HDLBP: variants seen among roughly 807,000 people sequenced by gnomAD.
The protein encoded by HDLBP is high density lipoprotein binding protein.
In HDLBP, 30 loss-of-function variants were observed where a neutral mutation model predicts 137.3. The observed-to-expected ratio is 0.22, with a 90% CI of 0.16 to 0.30. The LOEUF (loss-of-function observed/expected upper bound fraction) is 0.30. HDLBP is among the 10% of genes least tolerant of loss of function. HDLBP has a pLI of 1.00. For synonymous variants in HDLBP, 606 were observed against 596.0 expected, an observed-to-expected ratio of 1.02 and a Z score of -0.24; for missense variants, 1,119 against 1,667.3, an observed-to-expected ratio of 0.67 and a Z score of 5.73.
chr2:241,276,252 CAA>C (rs1373510075), intron 1 of HDLBP, among the ~76,000 whole-genome samples: 2 of 152,064 alleles, frequency 1.3e-5, no homozygotes, highest in South Asian at 2.1e-4. Context: ...CTAGGAAAAA[CAA>C]AGAGTTTTTA....
At chr2:241,281,792 T>C (rs1041849290) in intron 1 of HDLBP, among the ~76,000 whole-genome samples, 4 of 152,238 alleles carry the variant, frequency 2.6e-5, no homozygotes, top group Admixed American at 6.5e-5. Context: ...GTATCTTACA[T>C]TGGGTGAAAC....
rs568616833 is a variant in HDLBP at position 241,273,099 on chromosome 2, G to A, written c.-102-4558C>T. On this transcript the variant is annotated intron_variant, in intron 1 of 27. Coordinates refer to ENST00000310931, the MANE Select transcript of HDLBP (RefSeq NM_005336.6). The stretch of plus-strand genomic sequence containing the variant: ...AGTGGAAACAACCGAAGACCAGAAA[G>A]GGAGCAGGAAGGACGGCTGCTCTGG... 12 of 985,588 alleles carry A rather than the reference G, an allele frequency of 1.2e-5. No homozygotes were observed. In the South Asian group the frequency reaches 3.3e-4, roughly 27 times the overall value. 61.1% of individuals were successfully genotyped at this position (985,588 alleles called of 1,614,324 possible). A position where few individuals can be genotyped will look rare whatever the true frequency, so the allele number is the denominator to read the frequency against.
rs1416228775 is a variant in HDLBP, at chr2:241,239,657, G to A, written c.2555C>T (p.Ala852Val). ...TQSDKVTLKG[A>V]KDCVEAAKKR... is the part of the protein sequence containing the mutation. ...CTTGGCTGCCTCCACACAGTCCTTG[G>A]CGCCCTTGAGGGTGACTTTGTCGCT... The change falls in exon 19 of 28, where the codon GCC becomes GTC. Residue 852 changes from alanine (A) to valine (V), a missense_variant. Around this residue, in one of 4 missense-constraint regions of HDLBP, gnomAD observed 618 missense variants for 816.7 expected, o/e 0.76. Coordinates refer to ENST00000310931, the MANE Select transcript of HDLBP (RefSeq NM_005336.6). This position sits in a 1 kb window ranked among gnomAD's most constrained non-coding sequence, Gnocchi z 4.6. 1 of 1,614,046 alleles carries A rather than the reference G, an allele frequency of 6.2e-7. No individual in the cohort carries two copies. The highest frequency in any genetic ancestry group is 8.5e-7 in the Non-Finnish European group (1 of 1,180,030).
At chr2:241,271,383 C>G (rs1009723106) in intron 1 of HDLBP, among the ~76,000 whole-genome samples, 1 of 152,216 alleles carries the variant, frequency 6.6e-6, no homozygotes, top group Non-Finnish European at 1.5e-5. Flanking sequence ...GGAAGGAGGG[C>G]AGGAACCAAG....
At position 241,239,655 on chromosome 2, in the gene HDLBP, T is replaced by C; in HGVS notation, c.2557A>G (p.Lys853Glu). The change falls in exon 19 of 28, where the codon AAG (lysine) becomes GAG (glutamate). Residue 853 changes from lysine to glutamate, a missense_variant. This residue lies in a region of HDLBP where 618 missense variants were observed against 816.7 expected (regional missense o/e 0.76). Transcript: ENST00000310931. The surrounding 1 kb of genome is among the most constrained non-coding windows in gnomAD (Gnocchi z 4.6). ...TTCTTGGCTGCCTCCACACAGTCCT[T>C]GGCGCCCTTGAGGGTGACTTTGTCG... is the stretch of plus-strand genomic sequence containing the variant. ...QSDKVTLKGA[K>E]DCVEAAKKRI... The C allele has an allele frequency of 6.2e-7, 1 of 1,614,228 alleles. No homozygotes were observed. The highest frequency in any genetic ancestry group is 8.5e-7 in the Non-Finnish European group (1 of 1,180,042).
Position 241,253,348 on chromosome 2 carries a change from C to T in HDLBP, c.1293+45G>A, listed in dbSNP as rs201230947. The T allele has an allele frequency of 5.3e-6, 7 of 1,332,690 alleles. No homozygotes were observed. In the Admixed American group the frequency reaches 6.7e-5, roughly 13 times the overall value. The allele number at this position is 1,332,690 out of a possible 1,614,324, so 82.6% of individuals were successfully genotyped here. On this transcript the variant is annotated intron_variant, in intron 10 of 27. Transcript: ENST00000310931. ...ATGACCGCCCATGCCCAACTCAGAGCCTCCCTTGTCACCAGCACACACAAC... is the reference window on the plus strand; with the variant it reads ...ATGACCGCCCATGCCCAACTCAGAGTCTCCCTTGTCACCAGCACACACAAC...
At position 241,232,445 on chromosome 2, in the gene HDLBP, T is replaced by G. The variant is rs368699319; in HGVS notation, c.3288+1375A>C. Among the ~76,000 whole-genome samples the G allele has an allele frequency of 2.0e-5, 3 of 152,258 alleles. No individual in the cohort carries two copies. In the East Asian group the frequency reaches 5.8e-4, roughly 29 times the overall value. On this transcript the variant is annotated intron_variant, in intron 24 of 27. Coordinates refer to ENST00000310931, the MANE Select transcript of HDLBP (RefSeq NM_005336.6). ...TGCACGCGACCACGCCTGGCTAATT[T>G]TCATATTTTTAGTAGAGACAGGCTT... is the stretch of plus-strand genomic sequence containing the variant.
chr2:241,245,402 C>T (rs1320321818), intron 16 of HDLBP, among the ~76,000 whole-genome samples: 1 of 152,146 alleles, frequency 6.6e-6, no homozygotes, highest in Non-Finnish European at 1.5e-5. Context: ...TGGTCTTGAA[C>T]TTGTGAGCTC....
At chr2:241,310,146 T>C (rs1169899149) in intron 1 of HDLBP, among the ~76,000 whole-genome samples, 2 of 152,064 alleles carry the variant, frequency 1.3e-5, no homozygotes, top group African/African-American at 4.8e-5. Flanking sequence ...TTCCAACAGT[T>C]AACAGGAGAT....
Position 241,240,461 on chromosome 2 carries a change from A to G in HDLBP, c.2170-339T>C, listed in dbSNP as rs1018431243. Among the ~76,000 whole-genome samples the G allele has an allele frequency of 3.3e-5, 5 of 151,634 alleles. No homozygotes were observed. The highest frequency in any genetic ancestry group is 4.8e-5 in the African/African-American group (2 of 41,424). ...GGAGGTGGGAGCAACGCGCCGGACG[A>G]TATGTTGGCGGAGTGCACGTCCTGG... On this transcript the variant is annotated intron_variant, in intron 17 of 27. Transcript: ENST00000310931. The surrounding 1 kb of genome is among the most constrained non-coding windows in gnomAD (Gnocchi z 5.5).
rs151021956 is a variant in HDLBP, at chr2:241,238,354, T to C, written c.2749+295A>G. The C allele has an allele frequency of 4.1e-6, 1 of 243,902 alleles. No homozygotes were observed. The highest frequency in any genetic ancestry group is 7.8e-6 in the Non-Finnish European group (1 of 127,700). 15.1% of individuals were successfully genotyped at this position (243,902 alleles called of 1,614,324 possible). A position where few individuals can be genotyped will look rare whatever the true frequency, so the allele number is the denominator to read the frequency against. On this transcript the variant is annotated intron_variant, in intron 20 of 27. Transcript: ENST00000310931. The surrounding 1 kb of genome is among the most constrained non-coding windows in gnomAD (Gnocchi z 4.9). ...ATCCAAACGATGTCATGAGAATCAC[T>C]GGGACTGAACTCGGGACACCCGAGG... is the stretch of plus-strand genomic sequence containing the variant.
In HDLBP at chr2:241,266,851, A is replaced by G; in HGVS notation, c.19T>C (p.Leu7=). ...TGTTCAGCAAAACTCTCTTGGGTCA[A>G]AACTGCAACGGAACTCATGGTTGAT... MSSVAV[L]TQESFAEHRS... is the part of the protein sequence containing the mutation. Residue 7 remains leucine, a synonymous_variant, in exon 3 of 28, where the codon TTG becomes CTG. Transcript: ENST00000310931. 1.2e-6 allele frequency: 2 copies of G among 1,614,236 alleles called. No individual in the cohort carries two copies. Among genetic ancestry groups the G allele is most frequent in the Non-Finnish European group, 1.7e-6 (2 of 1,180,026 alleles).
chr2:241,275,000 A>G (rs1000301626), intron 1 of HDLBP, among the ~76,000 whole-genome samples: 1 of 152,166 alleles, frequency 6.6e-6, no homozygotes, highest in African/African-American at 2.4e-5. Flanking sequence ...TCAAAAAAAG[A>G]AGAAGAAAAG....
At chr2:241,305,950 C>T (rs189421266) in intron 1 of HDLBP, among the ~76,000 whole-genome samples, 1 of 151,754 alleles carries the variant, frequency 6.6e-6, no homozygotes, top group Admixed American at 6.6e-5. Flanking sequence ...TTAGTAGAGA[C>T]GGGGTCTCAC....
chr2:241,277,287 A>G lies in HDLBP; in HGVS notation c.-102-8746T>C, dbSNP rs569541097. ...AAGCTAATCATCCACTACTGAAACT[A>G]GAACAAAAAACACCAGAATAAACAA... On this transcript the variant is annotated intron_variant, in intron 1 of 27. Transcript: ENST00000310931. Among the ~76,000 whole-genome samples the G allele has an allele frequency of 6.4e-4, 98 of 152,292 alleles. 3 individuals are homozygous for G. The South Asian group carries it at 0.02, about 31-fold the overall frequency.
At chr2:241,313,766 G>A (rs1178299084) in intron 1 of HDLBP, among the ~76,000 whole-genome samples, 2 of 152,174 alleles carry the variant, frequency 1.3e-5, no homozygotes, top group Admixed American at 6.5e-5. Context: ...TCTCCCACCA[G>A]GCCACTGAGA....
chr2:241,265,788 G>A (rs1476426597), intron 3 of HDLBP, among the ~76,000 whole-genome samples: 1 of 152,214 alleles, frequency 6.6e-6, no homozygotes, highest in Non-Finnish European at 1.5e-5. Flanking sequence ...AGCGCTGACA[G>A]GACAGGTGGA....
chr2:241,257,084 G>T (rs965100775), intron 5 of HDLBP, among the ~76,000 whole-genome samples: 1 of 152,132 alleles, frequency 6.6e-6, no homozygotes, highest in African/African-American at 2.4e-5. Flanking sequence ...CACAAAAGCT[G>T]GACAGGAAGA....
At chr2:241,307,087 CAG>C (rs750511274) in intron 1 of HDLBP, among the ~76,000 whole-genome samples, 3 of 110,790 alleles carry the variant, frequency 2.7e-5, no homozygotes, top group African/African-American at 1.1e-4. Flanking sequence ...GCGGGGGGGA[CAG>C]GGGGGCAGTG....
Sources: allele counts gnomAD v4.1 joint callset (sites outside exome capture counted in the v4.1 genomes callset), GRCh38; gene constraint gnomAD v4.1.1; regional missense constraint gnomAD v4.1.1; non-coding constraint Gnocchi (gnomAD v3.1); transcripts MANE v1.5; gene names NCBI Gene and HGNC (gene_info 2026-07-23, HGNC 2026-07-21).